ADK: variants seen among roughly 807,000 people sequenced by gnomAD.
ADK encodes N6,N6-dimethyladenosine kinase.
ADK carries 24 observed loss-of-function variants against 44.7 expected under a neutral mutation model. That is an observed-to-expected ratio of 0.54 (90% CI 0.39 to 0.76). The LOEUF is 0.76. Ranked by LOEUF, ADK falls within the 30% of genes least tolerant of loss-of-function variation. ADK has a pLI of 0.00. For missense variants in ADK, 321 were observed against 425.1 expected, an observed-to-expected ratio of 0.76 and a Z score of 2.15; for synonymous variants, 128 against 142.6, an observed-to-expected ratio of 0.90 and a Z score of 0.73.
chr10:74,231,109 C>T (rs1359974443), intron 3 of ADK, among the ~76,000 whole-genome samples: 1 of 152,100 alleles, frequency 6.6e-6, no homozygotes, highest in African/African-American at 2.4e-5. Flanking sequence ...TCACTTCAGA[C>T]CTATAACCAA....
intron 7 of ADK, among the ~76,000 whole-genome samples, chr10:74,538,956 T>G (rs1271577562): frequency 6.6e-6 from 1 of 152,212 alleles, no homozygotes; most frequent in East Asian, 1.9e-4. Context: ...TGAATCTATG[T>G]GTAATTATGT....
At chr10:74,355,074 G>T (rs533293640) in intron 4 of ADK, among the ~76,000 whole-genome samples, 3 of 151,932 alleles carry the variant, frequency 2.0e-5, no homozygotes, top group Non-Finnish European at 4.4e-5. Context: ...GTCTCCTCCT[G>T]TCTTGGTCTC....
intron 10 of ADK, among the ~76,000 whole-genome samples, chr10:74,706,251 C>T (rs978046849): frequency 6.6e-6 from 1 of 152,132 alleles, no homozygotes; most frequent in African/African-American, 2.4e-5. Flanking sequence ...CACTGCACTC[C>T]AGCCTGGGTG....
chr10:74,553,683 TA>T (rs1423107397), intron 7 of ADK, among the ~76,000 whole-genome samples: 18 of 152,152 alleles, frequency 1.2e-4, no homozygotes, highest in Non-Finnish European at 2.6e-4. Context: ...AATCAGAAAG[TA>T]GTTTCCTTTT....
chr10:74,192,132 T>C (rs1383716134), intron 1 of ADK, among the ~76,000 whole-genome samples: 1 of 152,236 alleles, frequency 6.6e-6, no homozygotes, highest in Non-Finnish European at 1.5e-5. Flanking sequence ...TTATTGTTTC[T>C]CTTTTATGGG....
intron 6 of ADK, chr10:74,506,291 GA>G: frequency 4.2e-6 from 1 of 238,354 alleles, no homozygotes; most frequent in Admixed American, 4.8e-5. Flanking sequence ...CATCTATCTT[GA>G]AATGGTGGGC....
At chr10:74,529,928 G>A (rs919116100) in intron 7 of ADK, among the ~76,000 whole-genome samples, 4 of 152,090 alleles carry the variant, frequency 2.6e-5, no homozygotes, top group African/African-American at 9.7e-5. Context: ...CTAGGGGTAC[G>A]CCTCAGTGTT....
At chr10:74,307,148 C>G (rs922647366) in intron 3 of ADK, among the ~76,000 whole-genome samples, 1 of 152,218 alleles carries the variant, frequency 6.6e-6, no homozygotes, top group Admixed American at 6.5e-5. Flanking sequence ...TTATTCTCCA[C>G]TCCTTCTAGG....
chr10:74,196,496 C>T (rs777111100), intron 1 of ADK, among the ~76,000 whole-genome samples: 8 of 152,042 alleles, frequency 5.3e-5, no homozygotes, highest in Admixed American at 6.5e-5. Flanking sequence ...ACCGAGATTG[C>T]GCTACTGCAT....
In ADK at chr10:74,171,810, CTG is replaced by C. The variant is rs144943440; in HGVS notation, c.65+20499_65+20500del. ...TCTCTTTCTGTCTCTCTCTGTCTCTCTGTGTGTGTGTGTGTGTGTGTGTGTGT... is the reference window on the plus strand; with the variant it reads ...TCTCTTTCTGTCTCTCTCTGTCTCTCTGTGTGTGTGTGTGTGTGTGTGTGT... On this transcript the variant is annotated intron_variant, in intron 1 of 10. Coordinates refer to ENST00000539909, the MANE Select transcript of ADK (RefSeq NM_006721.4). Among the ~76,000 whole-genome samples the C allele has an allele frequency of 4.3e-3, 622 of 144,002 alleles. 3 individuals carry two copies. The highest frequency in any genetic ancestry group is 0.012 in the African/African-American group (474 of 39,156). The allele number at this position is 144,002 out of a possible 152,430, so 94.5% of individuals were successfully genotyped here.
intron 2 of ADK, among the ~76,000 whole-genome samples, chr10:74,216,615 T>G (rs907073365): frequency 1.3e-5 from 2 of 151,492 alleles, no homozygotes; most frequent in African/African-American, 4.9e-5. Flanking sequence ...GTCCCAGCTA[T>G]TTTGGGGACT....
At chr10:74,592,366 A>G (rs1851754446) in intron 8 of ADK, among the ~76,000 whole-genome samples, 2 of 152,162 alleles carry the variant, frequency 1.3e-5, no homozygotes, top group Non-Finnish European at 2.9e-5. Context: ...ATAAATAAAA[A>G]TAAGGTGCTC....
At chr10:74,403,308 T>C (rs1404282069) in intron 6 of ADK, among the ~76,000 whole-genome samples, 1 of 152,152 alleles carries the variant, frequency 6.6e-6, no homozygotes, top group Non-Finnish European at 1.5e-5. Context: ...GAAGTTTCTA[T>C]TGCCTTTTAT....
At chr10:74,488,766 A>T (rs531547188) in intron 6 of ADK, among the ~76,000 whole-genome samples, 1 of 151,724 alleles carries the variant, frequency 6.6e-6, no homozygotes, top group Non-Finnish European at 1.5e-5. Context: ...GTGGGATTTC[A>T]TGTTTAGCTT....
chr10:74,534,115 G>T (rs1849376507), intron 7 of ADK, among the ~76,000 whole-genome samples: 1 of 152,198 alleles, frequency 6.6e-6, no homozygotes, highest in Non-Finnish European at 1.5e-5. Context: ...TGGGGACAGG[G>T]TTATGCTATG....
chr10:74,327,389 T>G (rs1841059411), intron 4 of ADK, among the ~76,000 whole-genome samples: 1 of 152,220 alleles, frequency 6.6e-6, no homozygotes, highest in Non-Finnish European at 1.5e-5. Flanking sequence ...TGAAACTTGT[T>G]AAGACTTATG....
chr10:74,162,851 C>T (rs1029277009), intron 1 of ADK, among the ~76,000 whole-genome samples: 3 of 152,050 alleles, frequency 2.0e-5, no homozygotes, highest in South Asian at 2.1e-4. Flanking sequence ...CCCCAGTTTG[C>T]GTTTCTGTTC....
At chr10:74,207,432 A>G (rs1843645772) in intron 2 of ADK, among the ~76,000 whole-genome samples, 2 of 152,244 alleles carry the variant, frequency 1.3e-5, no homozygotes, top group South Asian at 4.2e-4. Context: ...CTTATCCTGC[A>G]TCCATGAACA....
intron 10 of ADK, among the ~76,000 whole-genome samples, chr10:74,675,862 CTG>C (rs1437016103): frequency 6.6e-6 from 1 of 151,994 alleles, no homozygotes; most frequent in Non-Finnish European, 1.5e-5. Flanking sequence ...CAATACCAGC[CTG>C]TGTTAATCTA....
Sources: allele counts gnomAD v4.1 joint callset (sites outside exome capture counted in the v4.1 genomes callset), GRCh38; gene constraint gnomAD v4.1.1; transcripts MANE v1.5; gene names NCBI Gene and HGNC (gene_info 2026-07-23, HGNC 2026-07-21).